Variants in TMOD3 observed in about 807,000 individuals in gnomAD.
TMOD3 encodes tropomodulin-3.
TMOD3 carries 20 observed loss-of-function variants against 39.2 expected under a neutral mutation model. The observed-to-expected ratio is 0.51, with a 90% CI of 0.36 to 0.74. The LOEUF (loss-of-function observed/expected upper bound fraction) is 0.74. TMOD3 is among the 30% of genes least tolerant of loss of function. The pLI, the probability that TMOD3 is intolerant of heterozygous loss-of-function variation, is 0.00. For synonymous variants in TMOD3, 143 were observed against 145.8 expected (o/e 0.98, Z 0.14); for missense variants, 381 against 412.8 (o/e 0.92, Z 0.67).
intron 1 of TMOD3, among the ~76,000 whole-genome samples, chr15:51,830,669 G>C (rs1330903886): frequency 6.6e-6 from 1 of 152,178 alleles, no homozygotes; most frequent in Non-Finnish European, 1.5e-5. Context: ...GGAGATTTAA[G>C]TTAGTTATGT....
chr15:51,881,951 G>A (rs1215646131), intron 3 of TMOD3, among the ~76,000 whole-genome samples: 12 of 147,262 alleles, frequency 8.1e-5, no homozygotes, highest in African/African-American at 2.5e-4. Context: ...CTGGAGTACA[G>A]TGGCGCAATC....
chr15:51,898,084 G>T (rs2056630594), intron 7 of TMOD3, among the ~76,000 whole-genome samples: 2 of 152,176 alleles, frequency 1.3e-5, no homozygotes, highest in African/African-American at 4.8e-5. Flanking sequence ...TAACCCTCTA[G>T]CAGCTTCCCA....
At chr15:51,897,792 A>AAC (rs1374037062) in intron 7 of TMOD3, among the ~76,000 whole-genome samples, 1 of 151,118 alleles carries the variant, frequency 6.6e-6, no homozygotes, top group South Asian at 2.1e-4. Flanking sequence ...AAAAAAAAAA[A>AAC]AAAAAACAAA....
At chr15:51,883,410 G>A (rs1000459973) in intron 3 of TMOD3, among the ~76,000 whole-genome samples, 2 of 151,990 alleles carry the variant, frequency 1.3e-5, no homozygotes, top group African/African-American at 2.4e-5. Flanking sequence ...AGATTCCATC[G>A]GTCCCTCAAA....
intron 3 of TMOD3, among the ~76,000 whole-genome samples, chr15:51,881,988 A>G (rs1053021406): frequency 2.8e-5 from 4 of 141,846 alleles, no homozygotes; most frequent in Admixed American, 7.0e-5. Context: ...TCCGCCTCCC[A>G]GGTTCAAGCG....
At position 51,900,313 on chromosome 15, in the gene TMOD3, A is replaced by T. The variant is rs201616715; in HGVS notation, c.879+15A>T. 1 of 1,613,582 alleles carries T rather than the reference A, an allele frequency of 6.2e-7. No homozygotes were observed. The highest frequency in any genetic ancestry group is 1.7e-5 in the Admixed American group (1 of 59,928). Reference sequence around the variant, plus strand: ...TTGACAATCAGGTCAATGTTCTACAATAATAACGTCGAGGAAGCTACAGCC... The same window carrying T: ...TTGACAATCAGGTCAATGTTCTACATTAATAACGTCGAGGAAGCTACAGCC... On this transcript the variant is annotated intron_variant, in intron 8 of 9. Coordinates refer to ENST00000308580, the MANE Select transcript of TMOD3 (RefSeq NM_014547.5).
intron 7 of TMOD3, among the ~76,000 whole-genome samples, chr15:51,898,769 G>A (rs935180779): frequency 2.0e-5 from 3 of 152,110 alleles, no homozygotes; most frequent in Non-Finnish European, 4.4e-5. Context: ...CTAAGGGGCT[G>A]TTTTATATAA....
At position 51,857,159 on chromosome 15, in the gene TMOD3, G is replaced by A. The variant is rs547311425; in HGVS notation, c.-74-5652G>A. On this transcript the variant is annotated intron_variant, in intron 1 of 9. Transcript: ENST00000308580. ...GTGCATACTCTGCGAGTCTGTTTAC[G>A]TAACATGCAAGAAAAGGGGCAGATC... Among the ~76,000 whole-genome samples, 45 of 152,152 alleles carry A rather than the reference G, an allele frequency of 3.0e-4. 1 individual carries two copies. The highest frequency in any genetic ancestry group is 2.1e-4 in the South Asian group (1 of 4,828).
Position 51,914,021 on chromosome 15 carries a change from A to AAC in TMOD3, c.*5212_*5213insCA, listed in dbSNP as rs1242248088. ...AGAGTGAAACTCTTATCTCAAAAAA[A>AAC]AAAAAAAAAAAAGAGCTATACTCAT... On this transcript the variant is annotated 3_prime_UTR_variant, in exon 10 of 10. Transcript: ENST00000308580. 6.6e-6 allele frequency: 1 copy of AAC among 151,518 alleles called. No homozygotes were observed. Among genetic ancestry groups the AAC allele is most frequent in the African/African-American group, 2.4e-5 (1 of 41,258 alleles). The allele number at this position is 151,518 out of a possible 1,614,324, so 9.4% of individuals were successfully genotyped here.
chr15:51,887,478 G>T, intron 3 of TMOD3, 111 bp from the exon 4 acceptor site: 1 of 1,113,726 alleles, frequency 9.0e-7, no homozygotes. Context: ...AATTACTGTC[G>T]ATGTTAATCT....
intron 5 of TMOD3, among the ~76,000 whole-genome samples, chr15:51,890,125 ATAT>A (rs1412422549): frequency 2.0e-5 from 3 of 151,886 alleles, no homozygotes; most frequent in Admixed American, 2.0e-4. Context: ...TATACTGTAA[ATAT>A]TTATTGCAAC....
At chr15:51,896,269 A>G (rs2056620071) in intron 6 of TMOD3, 150 bp from the exon 7 acceptor site, 1 of 584,306 alleles carries the variant, frequency 1.7e-6, no homozygotes, top group East Asian at 2.8e-5. Context: ...AGGAAGCTGC[A>G]TTATTTGTAT....
intron 1 of TMOD3, among the ~76,000 whole-genome samples, chr15:51,845,072 A>G (rs1366092768): frequency 1.3e-5 from 2 of 152,138 alleles, no homozygotes; most frequent in Non-Finnish European, 2.9e-5. Context: ...CTTGGCAGTG[A>G]TGAGGGCAAG....
intron 1 of TMOD3, among the ~76,000 whole-genome samples, chr15:51,853,196 C>T (rs1275726462): frequency 3.9e-5 from 6 of 151,938 alleles, no homozygotes; most frequent in African/African-American, 1.5e-4. Flanking sequence ...GAAATATTGC[C>T]TTCTTTATTG....
At chr15:51,897,415 TCTG>T (rs1394984517) in intron 7 of TMOD3, among the ~76,000 whole-genome samples, 1 of 151,360 alleles carries the variant, frequency 6.6e-6, no homozygotes. Context: ...CCTGCTTTTC[TCTG>T]CTGTTTTCTA....
At chr15:51,885,475 C>A (rs2570227) in intron 3 of TMOD3, among the ~76,000 whole-genome samples, 7,402 of 152,002 alleles carry the variant, frequency 0.049, 414 homozygotes, top group African/African-American at 0.12. Flanking sequence ...ACTTGAGATT[C>A]GGGAGTGGTG....
intron 3 of TMOD3, among the ~76,000 whole-genome samples, chr15:51,886,739 G>A (rs1472949978): frequency 6.6e-6 from 1 of 152,122 alleles, no homozygotes; most frequent in East Asian, 1.9e-4. Context: ...GAGGGAGAGG[G>A]CTAGAGTAAC....
At chr15:51,845,997 T>C (rs1221881600) in intron 1 of TMOD3, among the ~76,000 whole-genome samples, 2 of 152,004 alleles carry the variant, frequency 1.3e-5, no homozygotes, top group Non-Finnish European at 2.9e-5. Context: ...TTTTTAAGAC[T>C]GAAGATTTTT....
chr15:51,875,744 TA>T (rs374982820), intron 3 of TMOD3, among the ~76,000 whole-genome samples: 24 of 151,994 alleles, frequency 1.6e-4, no homozygotes, highest in African/African-American at 5.8e-4. Flanking sequence ...GCCTCCCAAG[TA>T]ACTGGGACTA....
Sources: allele counts gnomAD v4.1 joint callset (sites outside exome capture counted in the v4.1 genomes callset), GRCh38; gene constraint gnomAD v4.1.1; transcripts MANE v1.5; gene names NCBI Gene and HGNC (gene_info 2026-07-23, HGNC 2026-07-21).